The following RIMS2 variants were observed in gnomAD, a reference collection of about 807,000 sequenced individuals.
RIMS2 encodes the protein regulating synaptic membrane exocytosis protein 2.
A neutral mutation model predicts 174.4 loss-of-function variants in RIMS2; 59 were observed. That is an observed-to-expected ratio of 0.34 (90% CI 0.27 to 0.42). The LOEUF (loss-of-function observed/expected upper bound fraction) is 0.42, where lower values mean the gene tolerates loss of function less well. Among genes scored for constraint, RIMS2 ranks in the 10% least tolerant of loss-of-function variants. RIMS2 has a pLI of 1.00. For synonymous variants in RIMS2, 606 were observed against 572.5 expected (o/e 1.06, Z -0.84); for missense variants, 1,620 against 1,666.3 (o/e 0.97, Z 0.48).
intron 3 of RIMS2, among the ~76,000 whole-genome samples, chr8:103,826,236 T>TA (rs1201264575): frequency 6.6e-6 from 1 of 152,164 alleles, no homozygotes; most frequent in East Asian, 1.9e-4. Flanking sequence ...TGATAAAATG[T>TA]AATTTACTAA....
At chr8:103,569,783 AT>A (rs1441037319) in intron 1 of RIMS2, among the ~76,000 whole-genome samples, 6 of 141,726 alleles carry the variant, frequency 4.2e-5, no homozygotes, top group Non-Finnish European at 9.2e-5. Flanking sequence ...CCCCTGGCTA[AT>A]TTTAATTTTT....
intron 3 of RIMS2, among the ~76,000 whole-genome samples, chr8:103,864,478 T>C (rs1278251663): frequency 2.6e-5 from 4 of 152,154 alleles, no homozygotes; most frequent in Admixed American, 2.6e-4. Context: ...ACTTGTGTGG[T>C]TTTGAGAGTT....
At chr8:103,936,044 T>C (rs1439833663) in intron 12 of RIMS2, among the ~76,000 whole-genome samples, 1 of 152,176 alleles carries the variant, frequency 6.6e-6, no homozygotes, top group Non-Finnish European at 1.5e-5. Context: ...TATGAATTTC[T>C]TATATTTAAA....
intron 4 of RIMS2, among the ~76,000 whole-genome samples, chr8:103,903,071 T>C (rs1458582785): frequency 6.6e-6 from 1 of 152,052 alleles, no homozygotes; most frequent in Non-Finnish European, 1.5e-5. Flanking sequence ...AGAATGAAAG[T>C]TAATATTTTT....
intron 19 of RIMS2, among the ~76,000 whole-genome samples, chr8:104,034,651 G>C (rs1290836321): frequency 1.3e-5 from 2 of 151,540 alleles, no homozygotes; most frequent in Non-Finnish European, 2.9e-5. Context: ...TGTATTTTTA[G>C]TAGAGACGGG....
chr8:103,711,566 C>T (rs949081590), intron 2 of RIMS2, among the ~76,000 whole-genome samples: 3 of 151,938 alleles, frequency 2.0e-5, no homozygotes, highest in South Asian at 4.2e-4. Context: ...ATATATATTC[C>T]GTGTATAAGC....
At chr8:104,155,849 C>T (rs922720647) in intron 19 of RIMS2, among the ~76,000 whole-genome samples, 1 of 152,066 alleles carries the variant, frequency 6.6e-6, no homozygotes, top group Non-Finnish European at 1.5e-5. Context: ...TCATCAGCCC[C>T]CAATAAAGAC....
At chr8:104,085,892 G>T (rs191111928) in intron 19 of RIMS2, among the ~76,000 whole-genome samples, 2 of 152,204 alleles carry the variant, frequency 1.3e-5, no homozygotes, top group East Asian at 3.9e-4. Context: ...GCAAAAGGAA[G>T]TACAGGAGAT....
At chr8:103,659,393 C>T (rs535273856) in intron 1 of RIMS2, among the ~76,000 whole-genome samples, 2 of 152,270 alleles carry the variant, frequency 1.3e-5, no homozygotes, top group Non-Finnish European at 1.5e-5. Flanking sequence ...GAGGGCCCAC[C>T]AGCCTAATTT....
At chr8:103,894,300 G>A (rs1025319962) in intron 4 of RIMS2, among the ~76,000 whole-genome samples, 4 of 151,602 alleles carry the variant, frequency 2.6e-5, no homozygotes, top group African/African-American at 9.8e-5. Context: ...GCAGAATTTT[G>A]CAGTAGAAAT....
intron 2 of RIMS2, among the ~76,000 whole-genome samples, chr8:103,715,339 G>A (rs891114239): frequency 1.3e-5 from 2 of 151,748 alleles, no homozygotes; most frequent in African/African-American, 2.4e-5. Flanking sequence ...GCCTGCCCCC[G>A]ACCAACAGGC....
intron 13 of RIMS2, 65 bp from the exon 16 acceptor site, chr8:103,942,708 A>G (rs1366441726): frequency 1.7e-6 from 2 of 1,144,072 alleles, no homozygotes; most frequent in African/African-American, 3.1e-5. Flanking sequence ...AAGTTATAGG[A>G]CCATTTAACA....
At chr8:104,223,501 TGG>T in intron 19 of RIMS2, 16 of 1,391,214 alleles carry the variant, frequency 1.2e-5, no homozygotes, top group Non-Finnish European at 1.5e-5. Context: ...TCCTCCGGGC[TGG>T]GTCAGGGAGG....
chr8:103,510,564 C>T (rs1825955324), intron 1 of RIMS2, among the ~76,000 whole-genome samples: 1 of 152,008 alleles, frequency 6.6e-6, no homozygotes, highest in East Asian at 1.9e-4. Context: ...GTTGGCTATT[C>T]AGCTGAGGGC....
chr8:103,834,889 A>G (rs568461875), intron 3 of RIMS2, among the ~76,000 whole-genome samples: 2 of 150,112 alleles, frequency 1.3e-5, no homozygotes, highest in South Asian at 2.1e-4. Flanking sequence ...TCTCACCTCA[A>G]CCTCCTGAGT....
chr8:104,090,008 C>T (rs1397856948), intron 19 of RIMS2, among the ~76,000 whole-genome samples: 1 of 151,124 alleles, frequency 6.6e-6, no homozygotes, highest in Non-Finnish European at 1.5e-5. Context: ...AGTTTGTAGT[C>T]TAATGGGGGT....
At chr8:104,181,014 G>A (rs139188983) in intron 19 of RIMS2, among the ~76,000 whole-genome samples, 1 of 151,750 alleles carries the variant, frequency 6.6e-6, no homozygotes, top group African/African-American at 2.4e-5. Flanking sequence ...TTCTTTCGAA[G>A]CTATTTGGTA....
intron 19 of RIMS2, among the ~76,000 whole-genome samples, chr8:104,150,445 T>C (rs1223525990): frequency 6.6e-6 from 1 of 152,164 alleles, no homozygotes; most frequent in African/African-American, 2.4e-5. Context: ...CATACGCCAG[T>C]GGTGAATCTA....
In RIMS2 at chr8:103,811,680, A is replaced by T. The variant is rs111454187; in HGVS notation, c.698+45143A>T. ...AGGCTGGTCTCAAACTCCTGGCCTC[A>T]GGTGATGCACCCACCTCGGCCTCCC... On this transcript the variant is annotated intron_variant, in intron 3 of 23. Coordinates refer to ENST00000504942, the Ensembl canonical transcript of RIMS2. 1.0e-3 allele frequency among the ~76,000 whole-genome samples: 157 copies of T among 152,318 alleles called. 1 individual carries two copies. Among genetic ancestry groups the T allele is most frequent in the African/African-American group, 3.4e-3 (142 of 41,580 alleles).
Sources: gnomAD v4.1 joint callset for allele counts (sites outside exome capture counted in the v4.1 genomes callset) on GRCh38, gnomAD v4.1.1 for gene constraint, MANE v1.5 for transcripts, NCBI Gene and HGNC (gene_info 2026-07-23, HGNC 2026-07-21) for gene names.